Variants in CLVS1 observed in about 807,000 individuals in gnomAD.
The protein encoded by CLVS1 is clavesin-1.
A neutral mutation model predicts 33.1 loss-of-function variants in CLVS1; 10 were observed. The observed-to-expected ratio is 0.30, with a 90% CI of 0.19 to 0.51. The LOEUF (loss-of-function observed/expected upper bound fraction) is 0.51. CLVS1 is among the 20% of genes least tolerant of loss of function. The pLI is 0.97. For synonymous variants in CLVS1, 163 were observed against 166.1 expected (o/e 0.98, Z 0.14); for missense variants, 343 against 433.4 (o/e 0.79, Z 1.85).
At chr8:61,004,255 G>A in the CLVS1 span, among the ~76,000 whole-genome samples, 800 of 152,312 alleles carry the variant, frequency 5.3e-3, 5 homozygotes, top group African/African-American at 0.018. Context: ...ATATAACTTG[G>A]GTGAGTAGAC....
At chr8:61,411,950 AG>A (rs1815244668) in intron 3 of CLVS1, among the ~76,000 whole-genome samples, 2 of 152,158 alleles carry the variant, frequency 1.3e-5, no homozygotes, top group Non-Finnish European at 2.9e-5. Flanking sequence ...GTGAGGGTGG[AG>A]GTGGGCCAAG....
intron 3 of CLVS1, among the ~76,000 whole-genome samples, chr8:61,434,117 C>T (rs1816223105): frequency 6.6e-6 from 1 of 152,038 alleles, no homozygotes; most frequent in South Asian, 2.1e-4. Context: ...TAATCTCTTC[C>T]AGGGAATTAC....
At position 61,497,231 on chromosome 8, in the gene CLVS1, G is replaced by T. The variant is rs537120958; in HGVS notation, c.978-2224G>T. ...AAAGTTGTTAAGACTGACAGTTGTG[G>T]TTTACTACAGAAAAGGATATAGATT... On this transcript the variant is annotated intron_variant, in intron 5 of 5. Coordinates refer to ENST00000325897, the MANE Select transcript of CLVS1 (RefSeq NM_173519.3). Among the ~76,000 whole-genome samples the T allele has an allele frequency of 1.9e-3, 289 of 152,258 alleles. 2 individuals carry two copies. The highest frequency in any genetic ancestry group is 6.6e-3 in the African/African-American group (274 of 41,542).
chr8:61,024,625 A>T, the CLVS1 span, among the ~76,000 whole-genome samples: 2 of 152,128 alleles, frequency 1.3e-5, no homozygotes, highest in South Asian at 2.1e-4. Context: ...CTCTCCCCCC[A>T]GTCAAGTGTT....
chr8:61,402,952 C>T (rs1310313430), intron 3 of CLVS1, among the ~76,000 whole-genome samples: 2 of 152,022 alleles, frequency 1.3e-5, no homozygotes, highest in South Asian at 2.1e-4. Flanking sequence ...TGCTTGCATG[C>T]GTGCATGCAG....
intron 2 of CLVS1, among the ~76,000 whole-genome samples, chr8:61,339,274 A>T (rs762743779): frequency 2.6e-5 from 4 of 152,096 alleles, no homozygotes; most frequent in Non-Finnish European, 4.4e-5. Context: ...CCCATCCCCC[A>T]TTCCCCAGCA....
intron 1 of CLVS1, among the ~76,000 whole-genome samples, chr8:61,077,473 ATTATTATTATTATTATTATTG>A (rs1804939731): frequency 7.6e-6 from 1 of 131,672 alleles, no homozygotes; most frequent in African/African-American, 2.9e-5. Context: ...TATTATTATT[ATTATTATTATTATTATTATTG>A]AGACGGAGTC....
the CLVS1 span, among the ~76,000 whole-genome samples, chr8:60,975,972 G>A: frequency 1.3e-5 from 2 of 152,108 alleles, no homozygotes; most frequent in Admixed American, 1.3e-4. Context: ...CAAGGAGGCC[G>A]GGGGCTTCTC....
At chr8:61,304,631 A>G (rs545130657) in intron 2 of CLVS1, among the ~76,000 whole-genome samples, 1 of 152,302 alleles carries the variant, frequency 6.6e-6, no homozygotes, top group East Asian at 1.9e-4. Flanking sequence ...AGCATTGGCA[A>G]TAATTCACCA....
At chr8:61,097,476 TCA>T (rs1805374221) in intron 1 of CLVS1, among the ~76,000 whole-genome samples, 4 of 152,230 alleles carry the variant, frequency 2.6e-5, no homozygotes, top group African/African-American at 7.2e-5. Context: ...GGTTGCTGTT[TCA>T]CTCGTGAGAG....
chr8:61,425,856 G>C (rs534474612), intron 3 of CLVS1, among the ~76,000 whole-genome samples: 1 of 152,270 alleles, frequency 6.6e-6, no homozygotes, highest in East Asian at 1.9e-4. Context: ...GGAAAGCTCA[G>C]ACTACAGGGA....
intron 1 of CLVS1, among the ~76,000 whole-genome samples, chr8:61,128,344 T>G (rs993320417): frequency 3.3e-5 from 5 of 152,214 alleles, no homozygotes; most frequent in African/African-American, 1.2e-4. Flanking sequence ...TTTGGATGCT[T>G]TCAAATATAT....
At position 61,338,754 on chromosome 8, in the gene CLVS1, C is replaced by T. The variant is rs192794271; in HGVS notation, c.456-37851C>T. Among the ~76,000 whole-genome samples the T allele has an allele frequency of 7.2e-5, 11 of 152,284 alleles. No homozygotes were observed. In the East Asian group the frequency reaches 7.7e-4, roughly 11 times the overall value. On this transcript the variant is annotated intron_variant, in intron 2 of 5. Transcript: ENST00000325897. ...CTGAGGTCAGGGCTGACAAACACGC[C>T]GAGGGACCCCCCAACCTTCCCCTGC...
At chr8:61,180,360 C>T (rs1284172841) in intron 2 of CLVS1, among the ~76,000 whole-genome samples, 1 of 152,094 alleles carries the variant, frequency 6.6e-6, no homozygotes, top group Admixed American at 6.5e-5. Context: ...AGCCTACCCA[C>T]TAAAAAAGCC....
chr8:61,145,360 C>T (rs974981594), intron 2 of CLVS1, among the ~76,000 whole-genome samples: 2 of 152,286 alleles, frequency 1.3e-5, no homozygotes, highest in East Asian at 3.9e-4. Context: ...TCACAACAGC[C>T]GTTAACACAT....
At chr8:61,313,901 G>A (rs1287471499) in intron 2 of CLVS1, among the ~76,000 whole-genome samples, 2 of 152,152 alleles carry the variant, frequency 1.3e-5, no homozygotes, top group Non-Finnish European at 2.9e-5. Flanking sequence ...CGAGGCAGCA[G>A]TGGGAGCAAG....
chr8:61,083,125 CAG>C (rs565229746), intron 1 of CLVS1, among the ~76,000 whole-genome samples: 7 of 151,932 alleles, frequency 4.6e-5, no homozygotes, highest in Non-Finnish European at 8.8e-5. Flanking sequence ...AGTAGGAAAA[CAG>C]AATCTATGTA....
At chr8:61,188,238 C>T (rs1208960632) in intron 2 of CLVS1, among the ~76,000 whole-genome samples, 4 of 152,118 alleles carry the variant, frequency 2.6e-5, no homozygotes, top group Non-Finnish European at 5.9e-5. Context: ...AATAAAACTG[C>T]AAATCTTGAA....
chr8:61,324,275 T>A (rs938993979), intron 2 of CLVS1, among the ~76,000 whole-genome samples: 1 of 152,162 alleles, frequency 6.6e-6, no homozygotes, highest in Non-Finnish European at 1.5e-5. Flanking sequence ...GTTTCCCCTA[T>A]ACTTTTCTCA....
Sources: allele counts gnomAD v4.1 joint callset (sites outside exome capture counted in the v4.1 genomes callset), GRCh38; gene constraint gnomAD v4.1.1; transcripts MANE v1.5; gene names NCBI Gene and HGNC (gene_info 2026-07-23, HGNC 2026-07-21).